Variants in SLC41A2 observed in about 807,000 individuals in gnomAD.
The protein encoded by SLC41A2 is SLC41A1-like 1.
A neutral mutation model predicts 58.3 loss-of-function variants in SLC41A2; 32 were observed. The ratio of observed to expected loss-of-function variants is 0.55; its 90% CI spans 0.41 to 0.74. SLC41A2 has a LOEUF of 0.74. Ranked by LOEUF, SLC41A2 falls within the 30% of genes least tolerant of loss-of-function variation. The pLI is 0.00. For synonymous variants in SLC41A2, 190 were observed against 235.0 expected (o/e 0.81, Z 1.75); for missense variants, 514 against 680.6 (o/e 0.76, Z 2.72).
At chr12:104,956,070 G>A (rs1438719393) in intron 1 of SLC41A2, among the ~76,000 whole-genome samples, 2 of 152,198 alleles carry the variant, frequency 1.3e-5, no homozygotes, top group African/African-American at 2.4e-5. Context: ...GTGATAACTG[G>A]GATTTTCAAA....
intron 6 of SLC41A2, among the ~76,000 whole-genome samples, chr12:104,876,872 G>C (rs2044073419): frequency 1.3e-5 from 2 of 152,124 alleles, no homozygotes; most frequent in Non-Finnish European, 2.9e-5. Context: ...TGTTGAAAGT[G>C]GGGTACTGAA....
chr12:104,902,685 G>A (rs1248486240), intron 3 of SLC41A2, among the ~76,000 whole-genome samples: 4 of 152,158 alleles, frequency 2.6e-5, no homozygotes, highest in African/African-American at 9.7e-5. Context: ...ACAAGCAGCG[G>A]TGAAAGACGT....
At chr12:104,913,795 TG>T (rs2046190462) in intron 2 of SLC41A2, among the ~76,000 whole-genome samples, 1 of 152,168 alleles carries the variant, frequency 6.6e-6, no homozygotes, top group Non-Finnish European at 1.5e-5. Context: ...AACACCAGGT[TG>T]GGCAGCGGCT....
intron 10 of SLC41A2, among the ~76,000 whole-genome samples, chr12:104,824,312 A>G (rs953354420): frequency 5.3e-5 from 8 of 151,706 alleles, no homozygotes; most frequent in African/African-American, 1.9e-4. Flanking sequence ...ACATCAGTGG[A>G]GGAACATATG....
chr12:104,802,285 T>C lies in SLC41A2; in HGVS notation c.*2867A>G, dbSNP rs1416613124. 1.3e-5 allele frequency among the ~76,000 whole-genome samples: 2 copies of C among 152,174 alleles called. No individual in the cohort carries two copies. The highest frequency in any genetic ancestry group is 2.4e-5 in the African/African-American group (1 of 41,434). ...AAGGAAGAAGTTTGGAAAGCAGAAG[T>C]TTTTATGTTGTATAAAAAGAAATAC... On this transcript the variant is annotated 3_prime_UTR_variant, in exon 11 of 11. Coordinates refer to ENST00000258538, the MANE Select transcript of SLC41A2 (RefSeq NM_001352171.3).
At chr12:104,871,106 T>A (rs1480532296) in intron 6 of SLC41A2, among the ~76,000 whole-genome samples, 1 of 152,228 alleles carries the variant, frequency 6.6e-6, no homozygotes, top group Non-Finnish European at 1.5e-5. Context: ...TAATTGCTAC[T>A]GCTCTTACAG....
Position 104,889,266 on chromosome 12 carries a change from C to G in SLC41A2, c.736-89G>C, listed in dbSNP as rs934183604. On this transcript the variant is annotated intron_variant, in intron 4 of 10. Transcript: ENST00000258538. Reference sequence around the variant, plus strand: ...TTATGTAAATATTACTACAAAAAGTCAAAAAAAGTATTGCATGTAATAATT... The same window carrying G: ...TTATGTAAATATTACTACAAAAAGTGAAAAAAAGTATTGCATGTAATAATT... 6.8e-6 allele frequency: 9 copies of G among 1,327,110 alleles called. No homozygotes were observed. In the African/African-American group the frequency reaches 1.2e-4, roughly 18 times the overall value. The allele number at this position is 1,327,110 out of a possible 1,614,324, so 82.2% of individuals were successfully genotyped here. A position where few individuals can be genotyped will look rare whatever the true frequency, so the allele number is the denominator to read the frequency against.
chr12:104,811,941 G>A (rs1227082736), intron 10 of SLC41A2, among the ~76,000 whole-genome samples: 4 of 152,226 alleles, frequency 2.6e-5, no homozygotes, highest in African/African-American at 9.6e-5. Flanking sequence ...TCTGCAAACT[G>A]TCCTCTCCAT....
rs78235283 is a variant in SLC41A2, at chr12:104,804,826, A to T, written c.*326T>A. 0.01 allele frequency: 1,727 copies of T among 167,922 alleles called. 40 individuals carry two copies. The highest frequency in any genetic ancestry group is 0.039 in the African/African-American group (1,626 of 41,938). The allele number at this position is 167,922 out of a possible 1,614,324, so 10.4% of individuals were successfully genotyped here. A position where few individuals can be genotyped will look rare whatever the true frequency, so the allele number is the denominator to read the frequency against. The stretch of plus-strand genomic sequence containing the variant: ...AATCCTGCATTACAAATTTAATAAT[A>T]AAGTACATTTCTGCTATGTTTGTGG... On this transcript the variant is annotated 3_prime_UTR_variant, in exon 11 of 11. Coordinates refer to ENST00000258538, the MANE Select transcript of SLC41A2 (RefSeq NM_001352171.3).
intron 6 of SLC41A2, among the ~76,000 whole-genome samples, chr12:104,885,294 ATAACT>A (rs2044601327): frequency 6.6e-6 from 1 of 152,210 alleles, no homozygotes; most frequent in Non-Finnish European, 1.5e-5. Context: ...CACTCACTAA[ATAACT>A]TAAGGCAATT....
intron 1 of SLC41A2, among the ~76,000 whole-genome samples, chr12:104,934,253 G>A (rs2047178833): frequency 6.6e-6 from 1 of 152,126 alleles, no homozygotes. Flanking sequence ...TGCTTAAAGA[G>A]TGCCATTGGG....
chr12:104,917,494 T>C (rs2046380226), intron 2 of SLC41A2, among the ~76,000 whole-genome samples: 1 of 152,028 alleles, frequency 6.6e-6, no homozygotes, highest in Non-Finnish European at 1.5e-5. Flanking sequence ...CAAAGGACTA[T>C]AAATCATGCT....
chr12:104,843,603 T>G (rs1394990104), intron 10 of SLC41A2, among the ~76,000 whole-genome samples: 1 of 152,114 alleles, frequency 6.6e-6, no homozygotes, highest in African/African-American at 2.4e-5. Context: ...AGCTTTAGAT[T>G]ATGCAGCTCT....
intron 10 of SLC41A2, among the ~76,000 whole-genome samples, chr12:104,837,579 A>G (rs1009114400): frequency 6.6e-6 from 1 of 152,132 alleles, no homozygotes; most frequent in Non-Finnish European, 1.5e-5. Flanking sequence ...TCTGGAAGTA[A>G]GCAATGAAAG....
At chr12:104,932,652 A>C (rs564875656) in intron 1 of SLC41A2, among the ~76,000 whole-genome samples, 2 of 149,804 alleles carry the variant, frequency 1.3e-5, no homozygotes, top group African/African-American at 4.9e-5. Context: ...AAAAAGATAT[A>C]GTAACCAAAA....
chr12:104,873,297 T>A (rs1244507559), intron 6 of SLC41A2, among the ~76,000 whole-genome samples: 5 of 152,258 alleles, frequency 3.3e-5, no homozygotes, highest in African/African-American at 1.2e-4. Context: ...TACTTCTGTG[T>A]CTGGCTTATT....
chr12:104,841,129 A>C (rs1380182610), intron 10 of SLC41A2, among the ~76,000 whole-genome samples: 1 of 152,074 alleles, frequency 6.6e-6, no homozygotes, highest in African/African-American at 2.4e-5. Flanking sequence ...GACCAGTTTT[A>C]CCCCTCCACT....
At chr12:104,805,785 A>T (rs1030418253) in intron 10 of SLC41A2, among the ~76,000 whole-genome samples, 9 of 152,206 alleles carry the variant, frequency 5.9e-5, no homozygotes, top group Non-Finnish European at 1.0e-4. Flanking sequence ...TTATAAGGCC[A>T]TTTTTGACTT....
chr12:104,848,291 T>C (rs915228306), intron 8 of SLC41A2, among the ~76,000 whole-genome samples: 2 of 152,088 alleles, frequency 1.3e-5, no homozygotes, highest in African/African-American at 4.8e-5. Context: ...AATGAAAACA[T>C]AAAATATTGA....
Sources: allele counts gnomAD v4.1 joint callset (sites outside exome capture counted in the v4.1 genomes callset), GRCh38; gene constraint gnomAD v4.1.1; transcripts MANE v1.5; gene names NCBI Gene and HGNC (gene_info 2026-07-23, HGNC 2026-07-21).